Variants in USP20 observed in about 807,000 individuals in gnomAD.
USP20 encodes ubiquitin carboxyl-terminal hydrolase 20.
In USP20, 80 loss-of-function variants were observed where a neutral mutation model predicts 124.2. The ratio of observed to expected loss-of-function variants is 0.64; its 90% CI spans 0.54 to 0.78. USP20 has a LOEUF of 0.78. Ranked by LOEUF, USP20 falls within the 30% of genes least tolerant of loss-of-function variation. The pLI is 0.00. For missense variants in USP20, 1,043 were observed against 1,244.4 expected, an observed-to-expected ratio of 0.84 and a Z score of 2.44; for synonymous variants, 481 against 512.3, an observed-to-expected ratio of 0.94 and a Z score of 0.83.
intron 15 of USP20, among the ~76,000 whole-genome samples, chr9:129,871,703 C>T (rs1564217868): frequency 6.6e-6 from 1 of 151,984 alleles, no homozygotes; most frequent in African/African-American, 2.4e-5. Flanking sequence ...TCTCATTGTG[C>T]GTTTTTTTTG....
chr9:129,861,057 A>G (rs2033520326), intron 7 of USP20, 24 bp downstream of exon 7: 4 of 1,608,834 alleles, frequency 2.5e-6, no homozygotes, highest in Middle Eastern at 1.7e-4. Context: ...CAGCAGGGGA[A>G]GCTGATGGGC....
intron 2 of USP20, 100 bp from the exon 3 acceptor site, chr9:129,852,440 C>A: frequency 1.0e-6 from 1 of 978,224 alleles, no homozygotes; most frequent in Non-Finnish European, 1.5e-6. Flanking sequence ...TTGTGGCAGA[C>A]CAGGACTCAA....
At chr9:129,863,079 C>G in intron 8 of USP20, 107 bp from the exon 9 acceptor site, 5 of 771,764 alleles carry the variant, frequency 6.5e-6, no homozygotes, top group Non-Finnish European at 9.7e-6. Context: ...TCCAGGGCCA[C>G]TGTGCTCCCT....
intron 15 of USP20, among the ~76,000 whole-genome samples, chr9:129,872,002 C>T (rs1369375576): frequency 6.6e-6 from 1 of 152,124 alleles, no homozygotes; most frequent in Non-Finnish European, 1.5e-5. Context: ...CGGCGTGAGC[C>T]ACCGCACCCA....
intron 10 of USP20, 142 bp from the exon 11 acceptor site, chr9:129,867,863 T>G: frequency 2.0e-6 from 2 of 1,001,646 alleles, no homozygotes; most frequent in Non-Finnish European, 2.9e-6. Context: ...GGGAGGCCGC[T>G]GTGGGGGTGA....
intron 8 of USP20, 93 bp from the exon 9 acceptor site, chr9:129,863,093 C>T (rs958084542): frequency 1.2e-5 from 11 of 942,508 alleles, no homozygotes; most frequent in South Asian, 2.4e-5. Context: ...GCTCCCTGTG[C>T]GAGCACTCAG....
At chr9:129,838,756 C>T (rs750753173) in intron 1 of USP20, among the ~76,000 whole-genome samples, 1 of 152,182 alleles carries the variant, frequency 6.6e-6, no homozygotes, top group Non-Finnish European at 1.5e-5. Context: ...GTCTGAGCTT[C>T]GAGACTGAGT....
chr9:129,843,676 G>A (rs1299529289), intron 1 of USP20, among the ~76,000 whole-genome samples: 1 of 152,128 alleles, frequency 6.6e-6, no homozygotes, highest in Non-Finnish European at 1.5e-5. Context: ...GGTGGAGGTT[G>A]CAGTGAGCCG....
At chr9:129,863,539 A>C (rs913316) in intron 9 of USP20, among the ~76,000 whole-genome samples, 4 of 152,136 alleles carry the variant, frequency 2.6e-5, no homozygotes, top group Non-Finnish European at 4.4e-5. Flanking sequence ...ACCTGCAAAA[A>C]GTGAGCTAGA....
At position 129,836,240 on chromosome 9, in the gene USP20, T is replaced by C. The variant is rs1274841580; in HGVS notation, c.-129+741T>C. Among the ~76,000 whole-genome samples, 3 of 152,338 alleles carry C rather than the reference T, an allele frequency of 2.0e-5. No homozygotes were observed. In the East Asian group the frequency reaches 5.8e-4, roughly 29 times the overall value. ...TTAAGAACCCCTTAAGTAACAGTAG[T>C]TTTCCTTTTCTCAGTGTCATCCCTT... is the stretch of plus-strand genomic sequence containing the variant. On this transcript the variant is annotated intron_variant, in intron 1 of 25. Coordinates refer to ENST00000372429, the MANE Select transcript of USP20 (RefSeq NM_001110303.4).
At chr9:129,859,577 C>G (rs1490817626) in intron 6 of USP20, among the ~76,000 whole-genome samples, 1 of 151,880 alleles carries the variant, frequency 6.6e-6, no homozygotes, top group Non-Finnish European at 1.5e-5. Context: ...CCTGGCCTCT[C>G]CTTCTGTTTA....
In USP20 at chr9:129,835,474, C is replaced by T; in HGVS notation, c.-154C>T. On this transcript the variant is annotated 5_prime_UTR_variant, in exon 1 of 26. Coordinates refer to ENST00000372429, the MANE Select transcript of USP20 (RefSeq NM_001110303.4). Reference sequence around the variant, plus strand: ...AGAGGGGGCGCGCTTGACTGACAGGCGGCGGCGGCGCAGTTGCGAGTGCAG... The same window carrying T: ...AGAGGGGGCGCGCTTGACTGACAGGTGGCGGCGGCGCAGTTGCGAGTGCAG... 2.5e-6 allele frequency: 1 copy of T among 397,028 alleles called. No individual in the cohort carries two copies. The allele number at this position is 397,028 out of a possible 1,614,324, so 24.6% of individuals were successfully genotyped here. A position where few individuals can be genotyped will look rare whatever the true frequency, so the allele number is the denominator to read the frequency against.
chr9:129,841,293 T>C (rs2032196937), intron 1 of USP20, among the ~76,000 whole-genome samples: 1 of 152,216 alleles, frequency 6.6e-6, no homozygotes, highest in Non-Finnish European at 1.5e-5. Context: ...CTTTCCTCTG[T>C]GTGAGTCCGG....
chr9:129,847,894 C>G (rs2032673450), intron 1 of USP20, among the ~76,000 whole-genome samples: 1 of 145,430 alleles, frequency 6.9e-6, no homozygotes, highest in Non-Finnish European at 1.5e-5. Flanking sequence ...GTTTTTGTAT[C>G]TGATTTTTTT....
intron 1 of USP20, among the ~76,000 whole-genome samples, chr9:129,846,243 ATATATTTTTTT>A (rs1564197154): frequency 5.6e-5 from 2 of 36,026 alleles, no homozygotes; most frequent in East Asian, 8.4e-4. Flanking sequence ...ATATATATAT[ATATATTTTTTT>A]TTTTTTTTTT....
chr9:129,850,536 C>T (rs991456200), intron 2 of USP20, among the ~76,000 whole-genome samples: 3 of 152,160 alleles, frequency 2.0e-5, no homozygotes, highest in Non-Finnish European at 2.9e-5. Context: ...GAGAATCTGG[C>T]CAGTTGACCC....
At chr9:129,880,398 C>T in intron 25 of USP20, 69 bp from the exon 26 acceptor site, 4 of 1,314,348 alleles carry the variant, frequency 3.0e-6, no homozygotes, top group Non-Finnish European at 4.1e-6. Context: ...CTGAAAGCAC[C>T]TTCCTGGAGG....
chr9:129,847,681 C>T (rs1186188360), intron 1 of USP20, among the ~76,000 whole-genome samples: 1 of 152,242 alleles, frequency 6.6e-6, no homozygotes, highest in African/African-American at 2.4e-5. Context: ...TTTAAAGATA[C>T]AGTGCACACG....
In USP20 at chr9:129,874,848, C is replaced by T. The variant is rs374529076; in HGVS notation, c.1941C>T (p.Tyr647=). Residue 647 remains tyrosine, a synonymous_variant, in exon 19 of 26, where the codon TAC becomes TAT. Transcript: ENST00000372429. The part of the protein sequence containing the change: ...GTAGSGHYIA[Y]CQNVINGQWY... ...CCGCAGGTGGGCACTACATCGCCTA[C>T]TGCCAGAACGTGATCAATGGGCAGT... The T allele has an allele frequency of 6.2e-7, 1 of 1,614,044 alleles. No homozygotes were observed. The highest frequency in any genetic ancestry group is 1.7e-5 in the Admixed American group (1 of 60,000).
Sources: gnomAD v4.1 joint callset for allele counts (sites outside exome capture counted in the v4.1 genomes callset) on GRCh38, gnomAD v4.1.1 for gene constraint, MANE v1.5 for transcripts, NCBI Gene and HGNC (gene_info 2026-07-23, HGNC 2026-07-21) for gene names.